Variants in PLD5 observed in about 807,000 individuals in gnomAD.
PLD5 encodes the protein inactive phospholipase D5.
PLD5 carries 36 observed loss-of-function variants against 61.1 expected under a neutral mutation model. That is an observed-to-expected ratio of 0.59 (90% CI 0.45 to 0.78). PLD5 has a LOEUF of 0.78. Ranked by LOEUF, PLD5 falls within the 30% of genes least tolerant of loss-of-function variation. The pLI is 0.00. For missense variants in PLD5, 515 were observed against 644.4 expected (o/e 0.80, Z 2.17); for synonymous variants, 243 against 242.8 (o/e 1.00, Z -0.01).
At chr1:242,336,666 C>T (rs900646229) in intron 2 of PLD5, among the ~76,000 whole-genome samples, 17 of 152,006 alleles carry the variant, frequency 1.1e-4, no homozygotes, top group African/African-American at 4.1e-4. Context: ...TGCATCTGGG[C>T]AAGGGGACAC....
At chr1:242,467,547 G>C (rs981582019) in intron 1 of PLD5, among the ~76,000 whole-genome samples, 7 of 152,134 alleles carry the variant, frequency 4.6e-5, no homozygotes, top group African/African-American at 1.4e-4. Context: ...ACCAAATATA[G>C]CAATTTGGCA....
intron 6 of PLD5, among the ~76,000 whole-genome samples, chr1:242,117,719 C>T (rs770212460): frequency 2.0e-5 from 3 of 152,116 alleles, no homozygotes; most frequent in Non-Finnish European, 2.9e-5. Context: ...GTTGCTTTTC[C>T]CAACCCTGTA....
intron 5 of PLD5, among the ~76,000 whole-genome samples, chr1:242,183,874 G>C (rs538167185): frequency 6.6e-6 from 1 of 152,044 alleles, no homozygotes; most frequent in Non-Finnish European, 1.5e-5. Context: ...CAGCCTGGGC[G>C]ACAGAGCGAG....
chr1:242,381,527 T>C (rs1196741749), intron 1 of PLD5, among the ~76,000 whole-genome samples: 1 of 152,174 alleles, frequency 6.6e-6, no homozygotes, highest in Non-Finnish European at 1.5e-5. Flanking sequence ...CTGCACATCC[T>C]GGACATGTAC....
rs1663089637 is a variant in PLD5 at position 242,393,514 on chromosome 1, A to ATATATGTGTATATATGAG, written c.190-45273_190-45272insCTCATATATACACATATA. On this transcript the variant is annotated intron_variant, in intron 1 of 9. Coordinates refer to ENST00000536534, the MANE Select transcript of PLD5 (RefSeq NM_001372062.1). ...TATATATATGTGTATATATGAGTAT[A>ATATATGTGTATATATGAG]TATATATGTGTATATATGTGAGTAT... 6.2e-5 allele frequency among the ~76,000 whole-genome samples: 5 copies of ATATATGTGTATATATGAG among 80,234 alleles called. 2 individuals carry two copies. Among genetic ancestry groups the ATATATGTGTATATATGAG allele is most frequent in the Non-Finnish European group, 9.5e-5 (4 of 42,118 alleles). The allele number at this position is 80,234 out of a possible 152,430, so 52.6% of individuals were successfully genotyped here.
intron 1 of PLD5, among the ~76,000 whole-genome samples, chr1:242,376,324 T>C (rs1231068243): frequency 1.3e-5 from 2 of 152,168 alleles, no homozygotes; most frequent in Non-Finnish European, 2.9e-5. Flanking sequence ...CCCTTCGGCG[T>C]GGCCTGAAGA....
rs1317378904 is a variant in PLD5, at chr1:242,207,896, TTATATATTTA to T, written c.735+12082_735+12091del. On this transcript the variant is annotated intron_variant, in intron 5 of 9. Transcript: ENST00000536534. ...TATATATTTATATATTTATATATAT[TTATATATTTA>T]TATATATTTATATATTTATATATAT... Among the ~76,000 whole-genome samples the T allele has an allele frequency of 7.9e-4, 6 of 7,626 alleles. 1 individual carries two copies. In the East Asian group the frequency reaches 0.018, roughly 23 times the overall value. 5.0% of individuals were successfully genotyped at this position (7,626 alleles called of 152,430 possible).
intron 4 of PLD5, among the ~76,000 whole-genome samples, chr1:242,251,941 G>A (rs1316675325): frequency 1.3e-5 from 2 of 152,200 alleles, no homozygotes; most frequent in Non-Finnish European, 2.9e-5. Flanking sequence ...ACTGTGATGG[G>A]AGAGTCCCAG....
At position 242,356,945 on chromosome 1, in the gene PLD5, T is replaced by G. The variant is rs533584795; in HGVS notation, c.190-8703A>C. 3.5e-3 allele frequency among the ~76,000 whole-genome samples: 527 copies of G among 152,120 alleles called. 3 individuals are homozygous for G. The highest frequency in any genetic ancestry group is 0.012 in the African/African-American group (515 of 41,534). On this transcript the variant is annotated intron_variant, in intron 1 of 9. Coordinates refer to ENST00000536534, the MANE Select transcript of PLD5 (RefSeq NM_001372062.1). The stretch of plus-strand genomic sequence containing the variant: ...CATCCTTTAACCATTACACTAGGGA[T>G]AAAATTATGTTACATACCATGATTA...
Position 242,167,082 on chromosome 1 carries a change from TA to T in PLD5, c.736-42418del, listed in dbSNP as rs1558297095. 1.3e-4 allele frequency among the ~76,000 whole-genome samples: 7 copies of T among 52,514 alleles called. 1 individual carries two copies. The South Asian group carries it at 3.6e-3, about 27-fold the overall frequency. 34.5% of individuals were successfully genotyped at this position (52,514 alleles called of 152,430 possible). The stretch of plus-strand genomic sequence containing the variant: ...GAGTGAGAGACAATAATAATAGTAA[TA>T]ATAATAATAATAATAATAATAATAA... On this transcript the variant is annotated intron_variant, in intron 5 of 9. Coordinates refer to ENST00000536534, the MANE Select transcript of PLD5 (RefSeq NM_001372062.1).
At chr1:242,365,910 T>A (rs1407272126) in intron 1 of PLD5, 1 of 152,496 alleles carries the variant, frequency 6.6e-6, no homozygotes, top group African/African-American at 2.4e-5. Context: ...ATAACCCAAA[T>A]ACCCTTATAT....
At chr1:242,330,563 C>G (rs1489957914) in intron 2 of PLD5, among the ~76,000 whole-genome samples, 1 of 152,190 alleles carries the variant, frequency 6.6e-6, no homozygotes, top group Non-Finnish European at 1.5e-5. Context: ...ACTGATCTCT[C>G]ACACATTCTT....
At chr1:242,150,288 G>T (rs2148815774) in intron 5 of PLD5, among the ~76,000 whole-genome samples, 1 of 151,554 alleles carries the variant, frequency 6.6e-6, no homozygotes. Flanking sequence ...GTACTGTTTT[G>T]GGATACAGTG....
At chr1:242,391,467 G>A (rs1352192084) in intron 1 of PLD5, among the ~76,000 whole-genome samples, 1 of 152,124 alleles carries the variant, frequency 6.6e-6, no homozygotes, top group Non-Finnish European at 1.5e-5. Context: ...AAGACAAAAG[G>A]CAAGTATTGT....
chr1:242,159,777 C>G (rs1182273778), intron 5 of PLD5, among the ~76,000 whole-genome samples: 1 of 152,104 alleles, frequency 6.6e-6, no homozygotes, highest in African/African-American at 2.4e-5. Context: ...GATTTCATGC[C>G]TTTTCTGCAG....
chr1:242,452,790 T>A (rs2102926194), intron 1 of PLD5, among the ~76,000 whole-genome samples: 1 of 152,274 alleles, frequency 6.6e-6, no homozygotes, highest in African/African-American at 2.4e-5. Flanking sequence ...CACACCAGCC[T>A]GGGTGGCCGA....
At chr1:242,442,860 G>T (rs1488111881) in intron 1 of PLD5, among the ~76,000 whole-genome samples, 1 of 152,176 alleles carries the variant, frequency 6.6e-6, no homozygotes, top group African/African-American at 2.4e-5. Context: ...TTGAGAGGCA[G>T]TTCTTCTAAG....
At chr1:242,161,597 G>GT (rs1198797065) in intron 5 of PLD5, among the ~76,000 whole-genome samples, 10 of 152,106 alleles carry the variant, frequency 6.6e-5, no homozygotes, top group Non-Finnish European at 1.5e-4. Flanking sequence ...TTGTCCAGAG[G>GT]TCCTGAGTTG....
intron 1 of PLD5, among the ~76,000 whole-genome samples, chr1:242,429,162 A>C (rs1312840952): frequency 6.6e-6 from 1 of 152,220 alleles, no homozygotes; most frequent in African/African-American, 2.4e-5. Context: ...TGAAAAGGAA[A>C]GCTTGATCTT....
Sources: gnomAD v4.1 joint callset for allele counts (sites outside exome capture counted in the v4.1 genomes callset) on GRCh38, gnomAD v4.1.1 for gene constraint, MANE v1.5 for transcripts, NCBI Gene and HGNC (gene_info 2026-07-23, HGNC 2026-07-21) for gene names.